Variants in VEZT observed in about 807,000 individuals in gnomAD.
The protein encoded by VEZT is vezatin, adherens junctions transmembrane protein.
A neutral mutation model predicts 79.9 loss-of-function variants in VEZT; 39 were observed. The observed-to-expected ratio is 0.49, with a 90% CI of 0.38 to 0.64. VEZT has a LOEUF of 0.64. VEZT is among the 30% of genes least tolerant of loss of function. VEZT has a pLI of 0.00. For missense variants in VEZT, 837 were observed against 893.1 expected (o/e 0.94, Z 0.80); for synonymous variants, 325 against 327.6 (o/e 0.99, Z 0.09).
intron 8 of VEZT, among the ~76,000 whole-genome samples, chr12:95,285,563 G>A (rs1474766247): frequency 6.6e-6 from 1 of 152,036 alleles, no homozygotes; most frequent in East Asian, 1.9e-4. Flanking sequence ...TTCCCCATCT[G>A]TCCTTGCAGT....
At chr12:95,273,928 A>G (rs1219946240) in intron 6 of VEZT, among the ~76,000 whole-genome samples, 1 of 152,216 alleles carries the variant, frequency 6.6e-6, no homozygotes, top group Non-Finnish European at 1.5e-5. Context: ...AGGAAAAATC[A>G]TTATTGATTT....
chr12:95,297,111 A>G (rs2074318289), intron 11 of VEZT, among the ~76,000 whole-genome samples: 1 of 152,234 alleles, frequency 6.6e-6, no homozygotes, highest in South Asian at 2.1e-4. Flanking sequence ...AGAGTGGGGT[A>G]GCTGGTAATA....
intron 1 of VEZT, among the ~76,000 whole-genome samples, chr12:95,249,754 TG>T (rs1396528167): frequency 2.6e-5 from 4 of 152,200 alleles, no homozygotes; most frequent in Non-Finnish European, 5.9e-5. Context: ...TTAACTTGCT[TG>T]GTGTGTTTGT....
At chr12:95,263,171 A>G (rs921292692) in intron 4 of VEZT, 90 bp downstream of exon 4, 6 of 1,170,810 alleles carry the variant, frequency 5.1e-6, no homozygotes, top group African/African-American at 4.6e-5. Context: ...TTGTAAAGGC[A>G]TAAACATTCC....
Position 95,282,545 on chromosome 12 carries a change from C to G in VEZT, c.1229C>G (p.Pro410Arg), listed in dbSNP as rs775212822. 1 of 1,613,814 alleles carries G rather than the reference C, an allele frequency of 6.2e-7. No individual in the cohort carries two copies. The highest frequency in any genetic ancestry group is 1.3e-5 in the African/African-American group (1 of 74,910). Reference protein sequence around the residue: ...RYFETQHQSVPQCLSKTQQKS... With the variant: ...RYFETQHQSVRQCLSKTQQKS... ...TTTGAAACTCAGCACCAGTCAGTAC[C>G]GCAGTGTTTATCCAAAACTCAACAG... The change falls in exon 8 of 12, where the codon CCG becomes CGG. Residue 410 changes from proline to arginine, a missense_variant. By Grantham distance (103) the Pro-to-Arg change is moderately radical. Coordinates refer to ENST00000436874, the MANE Select transcript of VEZT (RefSeq NM_017599.4).
intron 1 of VEZT, among the ~76,000 whole-genome samples, chr12:95,236,377 A>G (rs1411746145): frequency 6.6e-6 from 1 of 152,182 alleles, no homozygotes; most frequent in African/African-American, 2.4e-5. Context: ...GCAGCAGTAC[A>G]GTCCAGCTTC....
intron 3 of VEZT, among the ~76,000 whole-genome samples, chr12:95,262,662 G>C (rs1035324802): frequency 2.0e-5 from 3 of 152,024 alleles, no homozygotes; most frequent in African/African-American, 4.8e-5. Context: ...TTTACATCTT[G>C]TTATTAAAAA....
At chr12:95,261,456 G>A (rs1488057183) in intron 3 of VEZT, among the ~76,000 whole-genome samples, 1 of 152,008 alleles carries the variant, frequency 6.6e-6, no homozygotes, top group African/African-American at 2.4e-5. Context: ...CTGTTGTCCA[G>A]GTTGTAGTGC....
At chr12:95,264,484 TG>T (rs2065123091) in intron 4 of VEZT, among the ~76,000 whole-genome samples, 1 of 152,182 alleles carries the variant, frequency 6.6e-6, no homozygotes, top group South Asian at 2.1e-4. Context: ...TTGCTCAGGC[TG>T]GAGTACAGTG....
In VEZT at chr12:95,275,282, A is replaced by G. The variant is rs540749055; in HGVS notation, c.996+393A>G. On this transcript the variant is annotated intron_variant, in intron 7 of 11. Transcript: ENST00000436874. The stretch of plus-strand genomic sequence containing the variant: ...TACATCAAAAGCCACATGAAAGGAT[A>G]CATTTAGCTACATAGAAATTAAACT... Among the ~76,000 whole-genome samples, 3 of 152,308 alleles carry G rather than the reference A, an allele frequency of 2.0e-5. No homozygotes were observed. The East Asian group carries it at 5.8e-4, about 29-fold the overall frequency.
intron 10 of VEZT, among the ~76,000 whole-genome samples, 193 bp downstream of exon 10, chr12:95,294,565 A>G (rs1315982510): frequency 1.3e-5 from 2 of 152,334 alleles, no homozygotes; most frequent in East Asian, 3.9e-4. Context: ...AGTGGCTTTC[A>G]AAAGTGATTA....
intron 1 of VEZT, among the ~76,000 whole-genome samples, chr12:95,232,522 TC>T (rs1354527805): frequency 6.6e-6 from 1 of 152,192 alleles, no homozygotes; most frequent in Non-Finnish European, 1.5e-5. Flanking sequence ...CAAAATTACT[TC>T]TCAAACATTA....
chr12:95,224,061 G>T, intron 1 of VEZT: 1 of 406,472 alleles, frequency 2.5e-6, no homozygotes, highest in Non-Finnish European at 5.0e-6. Flanking sequence ...GTATATAGTT[G>T]AGGGATTGAT....
At chr12:95,222,210 A>C (rs1232838389) in intron 1 of VEZT, among the ~76,000 whole-genome samples, 1 of 152,242 alleles carries the variant, frequency 6.6e-6, no homozygotes. Context: ...TTTTGTGATT[A>C]GTGCTGTTAA....
chr12:95,262,877 T>C, intron 3 of VEZT, 29 bp from the exon 4 acceptor site: 1 of 1,537,988 alleles, frequency 6.5e-7, no homozygotes, highest in East Asian at 2.3e-5. Flanking sequence ...TATGTGTTAA[T>C]ACCTCTCTTC....
At chr12:95,256,343 G>A (rs2063488891) in intron 2 of VEZT, among the ~76,000 whole-genome samples, 1 of 152,120 alleles carries the variant, frequency 6.6e-6, no homozygotes, top group South Asian at 2.1e-4. Context: ...GAGCCACCGT[G>A]CCCAACTCGT....
In VEZT at chr12:95,300,315, CT is replaced by C. The variant is rs1315560823; in HGVS notation, c.1983del (p.Glu662SerfsTer8). The C allele has an allele frequency of 1.9e-6, 3 of 1,609,934 alleles. No homozygotes were observed. Among genetic ancestry groups the C allele is most frequent in the Non-Finnish European group, 2.5e-6 (3 of 1,178,016 alleles). On this transcript the variant is annotated frameshift_variant, in exon 12 of 12. Transcript: ENST00000436874. LOFTEE classifies it low-confidence loss of function (END_TRUNC). ...ACAACAGACAATGAAATAAGTAGGACTGAGTATTTATGTGAAAACTCTCTAG... is the reference window on the plus strand; with the variant it reads ...ACAACAGACAATGAAATAAGTAGGACGAGTATTTATGTGAAAACTCTCTAG... ...SATTDNEISRTEYLCENSLEG... is the reference protein window; with the variant it reads ...SATTDNEISRXEYLCENSLEG...
intron 11 of VEZT, among the ~76,000 whole-genome samples, chr12:95,297,371 A>G (rs575681666): frequency 2.0e-5 from 3 of 150,866 alleles, no homozygotes; most frequent in South Asian, 2.1e-4. Context: ...TAGATTACCT[A>G]TACTTCTGGA....
chr12:95,261,984 A>G (rs950062527), intron 3 of VEZT, among the ~76,000 whole-genome samples: 3 of 152,176 alleles, frequency 2.0e-5, no homozygotes, highest in Non-Finnish European at 4.4e-5. Flanking sequence ...ACAATCTATT[A>G]ATAATATCAT....
Sources: gnomAD v4.1 joint callset for allele counts (sites outside exome capture counted in the v4.1 genomes callset) on GRCh38, gnomAD v4.1.1 for gene constraint, MANE v1.5 for transcripts, NCBI Gene and HGNC (gene_info 2026-07-23, HGNC 2026-07-21) for gene names.